Variants in KLF1 observed in about 807,000 individuals in gnomAD.
The protein encoded by KLF1 is KLF transcription factor 1.
KLF1 carries 29 observed loss-of-function variants against 28.0 expected under a neutral mutation model. That is an observed-to-expected ratio of 1.04 (90% confidence interval 0.77 to 1.41). The LOEUF is 1.41. Ranked by LOEUF, KLF1 falls within the 40% of genes most tolerant of loss-of-function variation. The pLI is 0.00. For synonymous variants in KLF1, 262 were observed against 242.6 expected (o/e 1.08, Z -0.74); for missense variants, 508 against 515.1 (o/e 0.99, Z 0.13).
Position 12,885,179 on chromosome 19 carries a change from C to A in KLF1, c.914-119G>T. On this transcript the variant is annotated intron_variant, in intron 2 of 2. Transcript: ENST00000264834. The surrounding 1 kb of genome is among the most constrained non-coding windows in gnomAD (Gnocchi z 5.6). ...GGGACTAGGATGAACAAAGTGAGGC[C>A]CCTAGGGCACAAAATTTAAGGAGGC... 1 of 1,389,290 alleles carries A rather than the reference C, an allele frequency of 7.2e-7. No individual in the cohort carries two copies. 86.1% of individuals were successfully genotyped at this position (1,389,290 alleles called of 1,614,324 possible).
At chr19:12,886,821 G>A (rs1456890492) in intron 1 of KLF1, among the ~76,000 whole-genome samples, 1 of 151,958 alleles carries the variant, frequency 6.6e-6, no homozygotes, top group Non-Finnish European at 1.5e-5. Flanking sequence ...TGTTGCCCAG[G>A]CTACCTTCGT....
chr19:12,885,730 T>A lies in KLF1; in HGVS notation c.500A>T (p.Gln167Leu). 6.6e-7 allele frequency: 1 copy of A among 1,511,272 alleles called. No homozygotes were observed. The highest frequency in any genetic ancestry group is 8.8e-7 in the Non-Finnish European group (1 of 1,130,954). 93.6% of individuals were successfully genotyped at this position (1,511,272 alleles called of 1,614,324 possible). Residue 167 changes from glutamine to leucine, a missense_variant, in exon 2 of 3, where the codon CAA (glutamine) becomes CTA (leucine). By Grantham distance (113) the Gln-to-Leu change is moderately radical (BLOSUM62 -2). Transcript: ENST00000264834. The surrounding 1 kb of genome is among the most constrained non-coding windows in gnomAD (Gnocchi z 5.6). ...GGCGCCGGGCCCCGGGTACACCGGTTGCAGCGCCAGCGCCTTGGGCTCGGG... is the reference window on the plus strand; with the variant it reads ...GGCGCCGGGCCCCGGGTACACCGGTAGCAGCGCCAGCGCCTTGGGCTCGGG... ...PAPEPKALALQPVYPGPGAGS... is the reference protein window; with the variant it reads ...PAPEPKALALLPVYPGPGAGS...
chr19:12,886,316 C>A (rs188000772), intron 1 of KLF1, among the ~76,000 whole-genome samples, 174 bp from the exon 2 acceptor site: 2 of 152,176 alleles, frequency 1.3e-5, no homozygotes, highest in South Asian at 2.1e-4. Context: ...CCGCTCCCCC[C>A]CCAGCTCCAG....
chr19:12,884,902 T>C lies in KLF1; in HGVS notation c.1072A>G (p.Met358Val). ...GGCAGGGCTCAAAGGTGGCGCTTCA[T>C]GTGCAAGGCCAGGTGGTCAGAGCGC... ...FSRSDHLALH[M>V]KRHL Residue 358 changes from methionine to valine, a missense_variant, in exon 3 of 3, where the codon ATG becomes GTG. Physicochemically the swap from Met to Val is conservative, Grantham distance 21. Transcript: ENST00000264834. The C allele has an allele frequency of 6.2e-7, 1 of 1,613,990 alleles. No individual in the cohort carries two copies. Among genetic ancestry groups the C allele is most frequent in the Non-Finnish European group, 8.5e-7 (1 of 1,180,030 alleles).
intron 1 of KLF1, among the ~76,000 whole-genome samples, chr19:12,886,609 C>CT (rs969979307): frequency 0.049 from 6,804 of 137,804 alleles, 197 homozygotes; most frequent in Middle Eastern, 0.08. Flanking sequence ...GATCTCGTTC[C>CT]TTTTTTTTTT....
Position 12,885,854 on chromosome 19 carries a change from G to A in KLF1, c.376C>T (p.Leu126Phe). 1.3e-6 allele frequency: 2 copies of A among 1,551,802 alleles called. No individual in the cohort carries two copies. Among genetic ancestry groups the A allele is most frequent in the Non-Finnish European group, 1.7e-6 (2 of 1,147,936 alleles). Residue 126 changes from leucine (L) to phenylalanine (F), a missense_variant, in exon 2 of 3, where the codon CTT becomes TTT. Coordinates refer to ENST00000264834, the MANE Select transcript of KLF1 (RefSeq NM_006563.5). The surrounding 1 kb of genome is among the most constrained non-coding windows in gnomAD (Gnocchi z 5.6). ...YAGGPGLVAG[L>F]LGSEDHSGWV... Reference sequence around the variant, plus strand: ...CCCGAGTGATCCTCCGAACCCAAAAGCCCAGCCACCAGCCCCGGGCCGCCA... The same window carrying A: ...CCCGAGTGATCCTCCGAACCCAAAAACCCAGCCACCAGCCCCGGGCCGCCA...
Position 12,887,166 on chromosome 19 carries a change from T to G in KLF1, c.-26A>C. The stretch of plus-strand genomic sequence containing the variant: ...GGCTGGCTGGTGCCCACCCTGGGCC[T>G]CAAGCCTCCTCTTCCTCGGCTGCCT... On this transcript the variant is annotated 5_prime_UTR_variant, in exon 1 of 3. Coordinates refer to ENST00000264834, the MANE Select transcript of KLF1 (RefSeq NM_006563.5). The surrounding 1 kb of genome is among the most constrained non-coding windows in gnomAD (Gnocchi z 4.7). 6.2e-7 allele frequency: 1 copy of G among 1,612,028 alleles called. No individual in the cohort carries two copies. The highest frequency in any genetic ancestry group is 1.1e-5 in the South Asian group (1 of 91,024).
rs1970431639 is a variant in KLF1, at chr19:12,885,512, C to G, written c.718G>C (p.Gly240Arg). ...AGTCCAGTGCCCACCGTCCCGGGTC[C>G]CAAACAACTCAGGAAGGAGGGGGAC... ...ATSPSFLSCL[G>R]PGTVGTGLGG... Residue 240 changes from glycine to arginine, a missense_variant, in exon 2 of 3, where the codon GGA becomes CGA. Coordinates refer to ENST00000264834, the MANE Select transcript of KLF1 (RefSeq NM_006563.5). The surrounding 1 kb of genome is among the most constrained non-coding windows in gnomAD (Gnocchi z 5.6). 1 of 1,594,098 alleles carries G rather than the reference C, an allele frequency of 6.3e-7. No homozygotes were observed. The highest frequency in any genetic ancestry group is 1.3e-5 in the African/African-American group (1 of 74,548).
At position 12,885,998 on chromosome 19, in the gene KLF1, G is replaced by A. The variant is rs1458441155; in HGVS notation, c.232C>T (p.Leu78Phe). ...TCCGGGCCCGAGAAGTTGGTGAGGA[G>A]GAGATCCAGGTCCCAGGTGGCGTCC... ...GADATWDLDL[L>F]LTNFSGPEPG... Residue 78 changes from leucine (L) to phenylalanine (F), a missense_variant, in exon 2 of 3, where the codon CTC (leucine) becomes TTC (phenylalanine). Transcript: ENST00000264834. The surrounding 1 kb of genome is among the most constrained non-coding windows in gnomAD (Gnocchi z 5.6). The A allele has an allele frequency of 1.3e-6, 2 of 1,595,478 alleles. No homozygotes were observed. The highest frequency in any genetic ancestry group is 4.6e-5 in the East Asian group (2 of 43,934).
intron 1 of KLF1, 54 bp from the exon 2 acceptor site, chr19:12,886,196 C>CA: frequency 7.3e-7 from 1 of 1,374,806 alleles, no homozygotes; most frequent in Non-Finnish European, 1.0e-6. Flanking sequence ...GTGCCCTGCC[C>CA]AGGGACATCG....
Position 12,885,728 on chromosome 19 carries a change from G to A in KLF1, c.502C>T (p.Pro168Ser), listed in dbSNP as rs1599601456. ...APEPKALALQ[P>S]VYPGPGAGSS... is the part of the protein sequence containing the mutation. ...CCGGCGCCGGGCCCCGGGTACACCG[G>A]TTGCAGCGCCAGCGCCTTGGGCTCG... is the stretch of plus-strand genomic sequence containing the variant. Residue 168 changes from proline (P) to serine (S), a missense_variant, in exon 2 of 3, where the codon CCG becomes TCG. Pro to Ser is a moderately conservative substitution (Grantham distance 74). Transcript: ENST00000264834. The surrounding 1 kb of genome is among the most constrained non-coding windows in gnomAD (Gnocchi z 5.6). 6.6e-7 allele frequency: 1 copy of A among 1,511,780 alleles called. No homozygotes were observed. Among genetic ancestry groups the A allele is most frequent in the Non-Finnish European group, 8.8e-7 (1 of 1,131,192 alleles). 93.6% of individuals were successfully genotyped at this position (1,511,780 alleles called of 1,614,324 possible). A position where few individuals can be genotyped will look rare whatever the true frequency, so the allele number is the denominator to read the frequency against.
rs1037471223 is a variant in KLF1, at chr19:12,887,164, C to T, written c.-24G>A. 6.2e-7 allele frequency: 1 copy of T among 1,612,692 alleles called. No homozygotes were observed. The highest frequency in any genetic ancestry group is 8.5e-7 in the Non-Finnish European group (1 of 1,179,030). On this transcript the variant is annotated 5_prime_UTR_variant, in exon 1 of 3. Transcript: ENST00000264834. This position sits in a 1 kb window ranked among gnomAD's most constrained non-coding sequence, Gnocchi z 4.7. ...ATGGCTGGCTGGTGCCCACCCTGGG[C>T]CTCAAGCCTCCTCTTCCTCGGCTGC...
In KLF1 at chr19:12,885,359, T is replaced by A. The variant is rs777651468; in HGVS notation, c.871A>T (p.Thr291Ser). ...TGCGCCTTCAGGTGGGAGCTCTTGGTGTAGCTCTTGCCGCAACCCGGGTGC... is the reference window on the plus strand; with the variant it reads ...TGCGCCTTCAGGTGGGAGCTCTTGGAGTAGCTCTTGCCGCAACCCGGGTGC... ...CAHPGCGKSY[T>S]KSSHLKAHLR... Residue 291 changes from threonine (T) to serine (S), a missense_variant, in exon 2 of 3, where the codon ACC (threonine) becomes TCC (serine). Coordinates refer to ENST00000264834, the MANE Select transcript of KLF1 (RefSeq NM_006563.5). This position sits in a 1 kb window ranked among gnomAD's most constrained non-coding sequence, Gnocchi z 5.6. The A allele has an allele frequency of 6.2e-7, 1 of 1,603,688 alleles. No individual in the cohort carries two copies. The highest frequency in any genetic ancestry group is 8.5e-7 in the Non-Finnish European group (1 of 1,175,598).
Position 12,886,000 on chromosome 19 carries a change from A to C in KLF1, c.230T>G (p.Leu77Arg), listed in dbSNP as rs1970442932. 2 of 1,596,202 alleles carry C rather than the reference A, an allele frequency of 1.3e-6. No homozygotes were observed. The highest frequency in any genetic ancestry group is 1.3e-5 in the African/African-American group (1 of 74,636). The change falls in exon 2 of 3, where the codon CTC becomes CGC. Residue 77 changes from leucine to arginine, a missense_variant. Coordinates refer to ENST00000264834, the MANE Select transcript of KLF1 (RefSeq NM_006563.5). The surrounding 1 kb of genome is among the most constrained non-coding windows in gnomAD (Gnocchi z 5.6). Reference sequence around the variant, plus strand: ...CGGGCCCGAGAAGTTGGTGAGGAGGAGATCCAGGTCCCAGGTGGCGTCCGC... The same window carrying C: ...CGGGCCCGAGAAGTTGGTGAGGAGGCGATCCAGGTCCCAGGTGGCGTCCGC... ...RGADATWDLD[L>R]LLTNFSGPEP...
rs1303751938 is a variant in KLF1, at chr19:12,885,570, G to A, written c.660C>T (p.Arg220=). 1 of 1,562,760 alleles carries A rather than the reference G, an allele frequency of 6.4e-7. No homozygotes were observed. Among genetic ancestry groups the A allele is most frequent in the Admixed American group, 1.9e-5 (1 of 51,906 alleles). Residue 220 remains arginine, a synonymous_variant, in exon 2 of 3, where the codon CGC becomes CGT. Coordinates refer to ENST00000264834, the MANE Select transcript of KLF1 (RefSeq NM_006563.5). This position sits in a 1 kb window ranked among gnomAD's most constrained non-coding sequence, Gnocchi z 5.6. ...GACCGGGCGCGGGTCCCTGGAGCCC[G>A]CGGAAGAGCTGGAAGTGCCCTTGGT... ...PQYQGHFQLF[R]GLQGPAPGPA...
Position 12,885,526 on chromosome 19 carries a change from A to T in KLF1, c.704T>A (p.Phe235Tyr). The T allele has an allele frequency of 6.3e-7, 1 of 1,587,614 alleles. No individual in the cohort carries two copies. Among genetic ancestry groups the T allele is most frequent in the African/African-American group, 1.3e-5 (1 of 74,552 alleles). ...CGTCCCGGGTCCCAAACAACTCAGG[A>T]AGGAGGGGGACGTGGCGGGACCGGG... The part of the protein sequence containing the change: ...PAPGPATSPS[F>Y]LSCLGPGTVG... The change falls in exon 2 of 3, where the codon TTC becomes TAC. Residue 235 changes from phenylalanine (F) to tyrosine (Y), a missense_variant. Transcript: ENST00000264834. This position sits in a 1 kb window ranked among gnomAD's most constrained non-coding sequence, Gnocchi z 5.6.
Position 12,885,967 on chromosome 19 carries a change from C to A in KLF1, c.263G>T (p.Gly88Val), listed in dbSNP as rs1970441933. The change falls in exon 2 of 3, where the codon GGT becomes GTT. Residue 88 changes from glycine (G) to valine (V), a missense_variant. Coordinates refer to ENST00000264834, the MANE Select transcript of KLF1 (RefSeq NM_006563.5). This position sits in a 1 kb window ranked among gnomAD's most constrained non-coding sequence, Gnocchi z 5.6. ...LLTNFSGPEP[G>V]GAPQTCALAP... ...CAGAGCGCAGGTCTGGGGCGCGCCACCGGGCTCCGGGCCCGAGAAGTTGGT... is the reference window on the plus strand; with the variant it reads ...CAGAGCGCAGGTCTGGGGCGCGCCAACGGGCTCCGGGCCCGAGAAGTTGGT... 6 of 1,579,494 alleles carry A rather than the reference C, an allele frequency of 3.8e-6. No individual in the cohort carries two copies. Among genetic ancestry groups the A allele is most frequent in the Non-Finnish European group, 5.2e-6 (6 of 1,163,432 alleles).
In KLF1 at chr19:12,885,617, C is replaced by A; in HGVS notation, c.613G>T (p.Ala205Ser). Residue 205 changes from alanine to serine, a missense_variant, in exon 2 of 3, where the codon GCG becomes TCG. By Grantham distance (99) the Ala-to-Ser change is moderately conservative. Coordinates refer to ENST00000264834, the MANE Select transcript of KLF1 (RefSeq NM_006563.5). This position sits in a 1 kb window ranked among gnomAD's most constrained non-coding sequence, Gnocchi z 5.6. ...TGGTACTGAGGCGCCGGGTACATCG[C>A]GGGGTACCCGGACAGTAGCCCGTAG... ...APYGLLSGYPAMYPAPQYQGH... is the reference protein window; with the variant it reads ...APYGLLSGYPSMYPAPQYQGH... 1 of 1,551,706 alleles carries A rather than the reference C, an allele frequency of 6.4e-7. No individual in the cohort carries two copies. The highest frequency in any genetic ancestry group is 8.7e-7 in the Non-Finnish European group (1 of 1,148,200).
chr19:12,885,024 C>T lies in KLF1; in HGVS notation c.950G>A (p.Gly317Asp). Residue 317 changes from glycine (G) to aspartate (D), a missense_variant, in exon 3 of 3, where the codon GGC (glycine) becomes GAC (aspartate). By Grantham distance (94) the Gly-to-Asp change is moderately conservative (BLOSUM62 -1). Transcript: ENST00000264834. The surrounding 1 kb of genome is among the most constrained non-coding windows in gnomAD (Gnocchi z 5.6). ...CTCGTCCGAGCGCGCGAATCTCCAG[C>T]CGCAGCCTTCCCACGTGCAGGCGTA... The part of the protein sequence containing the change: ...KPYACTWEGC[G>D]WRFARSDELT... The T allele has an allele frequency of 6.2e-7, 1 of 1,608,834 alleles. No individual in the cohort carries two copies. Among genetic ancestry groups the T allele is most frequent in the Non-Finnish European group, 8.5e-7 (1 of 1,179,994 alleles).
Sources: allele counts gnomAD v4.1 joint callset (sites outside exome capture counted in the v4.1 genomes callset), GRCh38; gene constraint gnomAD v4.1.1; non-coding constraint Gnocchi (gnomAD v3.1); transcripts MANE v1.5; gene names NCBI Gene and HGNC (gene_info 2026-07-23, HGNC 2026-07-21).